Variants in PCTP observed in about 807,000 individuals in gnomAD.
The protein encoded by PCTP is phosphatidylcholine transfer protein.
Under a neutral mutation model 31.0 loss-of-function variants are expected in PCTP, and 27 were observed. The ratio of observed to expected loss-of-function variants is 0.87; its 90% CI spans 0.64 to 1.20. The LOEUF (loss-of-function observed/expected upper bound fraction) is 1.20. Ranked by LOEUF, PCTP falls within the 50% of genes most tolerant of loss-of-function variation. The pLI is 0.00. For synonymous variants in PCTP, 108 were observed against 101.2 expected (o/e 1.07, Z -0.40); for missense variants, 287 against 268.2 (o/e 1.07, Z -0.49).
At chr17:55,850,199 G>C in the PCTP span, among the ~76,000 whole-genome samples, 1 of 151,982 alleles carries the variant, frequency 6.6e-6, no homozygotes, top group East Asian at 1.9e-4. Context: ...TCCTACTCTG[G>C]AATTATATAG....
intron 1 of PCTP, among the ~76,000 whole-genome samples, chr17:55,754,980 AT>A (rs1909934334): frequency 6.6e-6 from 1 of 152,202 alleles, no homozygotes; most frequent in Admixed American, 6.5e-5. Context: ...ACATATACAT[AT>A]GTATGTATAT....
intron 3 of PCTP, among the ~76,000 whole-genome samples, chr17:55,793,712 G>A (rs7221551): frequency 2.6e-5 from 4 of 151,982 alleles, no homozygotes; most frequent in African/African-American, 7.3e-5. Context: ...GGCGGTAGTC[G>A]CTGCTCTCAT....
At chr17:55,793,607 A>G (rs1912081303) in intron 3 of PCTP, among the ~76,000 whole-genome samples, 1 of 152,114 alleles carries the variant, frequency 6.6e-6, no homozygotes, top group African/African-American at 2.4e-5. Flanking sequence ...AATGGATGCC[A>G]TCATTCTTGT....
intron 3 of PCTP, among the ~76,000 whole-genome samples, chr17:55,805,372 A>G (rs1226481334): frequency 1.3e-5 from 2 of 151,774 alleles, no homozygotes; most frequent in Non-Finnish European, 2.9e-5. Flanking sequence ...ACCTTCCCCC[A>G]TTTTGTAGTC....
At chr17:55,824,362 G>A (rs1453544630), downstream of PCTP, among the ~76,000 whole-genome samples, 3 of 152,048 alleles carry the variant, frequency 2.0e-5, no homozygotes, top group Non-Finnish European at 4.4e-5. Flanking sequence ...ATGGAAACAG[G>A]TACAGCCCCA....
chr17:55,787,977 AC>A (rs1247514709), intron 3 of PCTP, among the ~76,000 whole-genome samples: 8 of 152,174 alleles, frequency 5.3e-5, no homozygotes, highest in Non-Finnish European at 1.2e-4. Flanking sequence ...GTACAATGGG[AC>A]TGTTACTGCT....
downstream of PCTP, among the ~76,000 whole-genome samples, chr17:55,843,038 G>T (rs952700161): frequency 6.6e-6 from 1 of 152,048 alleles, no homozygotes; most frequent in Admixed American, 6.5e-5. Context: ...TCATGGCCCT[G>T]TAAACACATT....
At chr17:55,810,687 G>T (rs949392571) in intron 3 of PCTP, among the ~76,000 whole-genome samples, 2 of 152,152 alleles carry the variant, frequency 1.3e-5, no homozygotes, top group Non-Finnish European at 2.9e-5. Context: ...TTGGAAAAAA[G>T]ATTTTGGATA....
chr17:55,834,696 TAGAC>T (rs555603030), intron 5 of PCTP, among the ~76,000 whole-genome samples: 4 of 152,064 alleles, frequency 2.6e-5, no homozygotes, highest in Admixed American at 1.3e-4. Flanking sequence ...GTTAACCTGA[TAGAC>T]AGACAGCTTG....
chr17:55,814,811 C>T (rs1014147730), intron 3 of PCTP, among the ~76,000 whole-genome samples: 1 of 152,200 alleles, frequency 6.6e-6, no homozygotes, highest in Admixed American at 6.5e-5. Flanking sequence ...TCAAAGTACT[C>T]CTGTGTGGAA....
intron 3 of PCTP, among the ~76,000 whole-genome samples, chr17:55,815,310 G>A (rs75119886): frequency 0.027 from 4,079 of 152,256 alleles, 184 homozygotes; most frequent in African/African-American, 0.093. Flanking sequence ...TAGAGAGGGA[G>A]TTCAGCAAAG....
intron 3 of PCTP, among the ~76,000 whole-genome samples, chr17:55,806,972 A>C (rs2145037679): frequency 6.6e-6 from 1 of 152,286 alleles, no homozygotes; most frequent in African/African-American, 2.4e-5. Flanking sequence ...CTCAGACTGC[A>C]TTTGATGCAA....
intron 3 of PCTP, among the ~76,000 whole-genome samples, chr17:55,817,982 G>C (rs920738312): frequency 6.6e-6 from 1 of 152,024 alleles, no homozygotes; most frequent in Non-Finnish European, 1.5e-5. Flanking sequence ...TGGTCATAGG[G>C]GAGAGGGAGA....
At chr17:55,758,334 C>G (rs202195458) in intron 1 of PCTP, among the ~76,000 whole-genome samples, 1 of 152,126 alleles carries the variant, frequency 6.6e-6, no homozygotes, top group African/African-American at 2.4e-5. Context: ...TGCTCTTGAC[C>G]TACTAAAATT....
At chr17:55,782,441 A>T (rs554250719) in intron 2 of PCTP, among the ~76,000 whole-genome samples, 1 of 152,226 alleles carries the variant, frequency 6.6e-6, no homozygotes, top group Non-Finnish European at 1.5e-5. Flanking sequence ...TGTGCGAGGC[A>T]CTAGATTGGA....
At chr17:55,814,445 G>T (rs1598013251) in intron 3 of PCTP, among the ~76,000 whole-genome samples, 1 of 152,240 alleles carries the variant, frequency 6.6e-6, no homozygotes, top group Non-Finnish European at 1.5e-5. Context: ...GGCAGACACT[G>T]AGCAGCTGCT....
At chr17:55,753,139 A>G (rs1909801377) in intron 1 of PCTP, among the ~76,000 whole-genome samples, 1 of 152,246 alleles carries the variant, frequency 6.6e-6, no homozygotes, top group Non-Finnish European at 1.5e-5. Flanking sequence ...TCAACTGCTC[A>G]GACGTGTCTA....
At chr17:55,775,851 T>C in intron 5 of PCTP, 184 bp from the exon 6 acceptor site, 1 of 1,342,396 alleles carries the variant, frequency 7.4e-7, no homozygotes, top group Non-Finnish European at 9.5e-7. Flanking sequence ...TTGACTGGTC[T>C]TACTTTTGTC....
intron 3 of PCTP, among the ~76,000 whole-genome samples, chr17:55,804,175 C>T (rs1912496426): frequency 6.6e-6 from 1 of 152,168 alleles, no homozygotes; most frequent in African/African-American, 2.4e-5. Flanking sequence ...AACCATCTCA[C>T]TCCAGATAGA....
Sources: gnomAD v4.1 joint callset for allele counts (sites outside exome capture counted in the v4.1 genomes callset) on GRCh38, gnomAD v4.1.1 for gene constraint, MANE v1.5 for transcripts, NCBI Gene and HGNC (gene_info 2026-07-23, HGNC 2026-07-21) for gene names.